HS6ST2: variants seen among roughly 807,000 people sequenced by gnomAD.
HS6ST2 encodes the protein heparan-sulfate 6-O-sulfotransferase 2.
A neutral mutation model predicts 33.0 loss-of-function variants in HS6ST2; 17 were observed. The observed-to-expected ratio is 0.52, with a 90% confidence interval of 0.35 to 0.77. The LOEUF is 0.77. HS6ST2 is among the 30% of genes least tolerant of loss of function. The probability of loss-of-function intolerance (pLI) is 0.01; values close to 1 mark genes in which losing one functional copy is unlikely to be tolerated. For synonymous variants in HS6ST2, 248 were observed against 237.1 expected, an observed-to-expected ratio of 1.05 and a Z score of -0.42; for missense variants, 519 against 551.7, an observed-to-expected ratio of 0.94 and a Z score of 0.59.
chrX:132,722,135 T>C (rs1285811111), intron 2 of HS6ST2, among the ~76,000 whole-genome samples: 2 of 88,956 alleles, frequency 2.2e-5, no homozygotes, highest in African/African-American at 9.1e-5. Flanking sequence ...TTGCAATGAG[T>C]GGAGATCGCG....
At chrX:132,642,242 C>T (rs1488662558) in intron 4 of HS6ST2, among the ~76,000 whole-genome samples, 1 of 111,680 alleles carries the variant, frequency 9.0e-6, no homozygotes, top group Non-Finnish European at 1.9e-5. Flanking sequence ...GGTACCCTAA[C>T]TGTGCTTTGG....
intron 2 of HS6ST2, among the ~76,000 whole-genome samples, chrX:132,807,745 G>C (rs2065299559): frequency 8.9e-6 from 1 of 112,197 alleles, no homozygotes; most frequent in Admixed American, 9.5e-5. Context: ...TGAAATGCAA[G>C]CACTGCGAAA....
At chrX:132,953,380 CTT>C (rs372884183) in intron 2 of HS6ST2, among the ~76,000 whole-genome samples, 1 of 109,960 alleles carries the variant, frequency 9.1e-6, no homozygotes, top group African/African-American at 3.4e-5. Flanking sequence ...CTCTCTCTCT[CTT>C]TGTCCTCTCC....
intron 2 of HS6ST2, among the ~76,000 whole-genome samples, chrX:132,738,990 T>C (rs1263205296): frequency 8.9e-6 from 1 of 111,978 alleles, no homozygotes; most frequent in African/African-American, 3.2e-5. Context: ...TCCTATCTTA[T>C]CCACCAGCTA....
chrX:132,676,351 C>A (rs1417588546), intron 3 of HS6ST2, among the ~76,000 whole-genome samples: 1 of 111,695 alleles, frequency 9.0e-6, no homozygotes, highest in Non-Finnish European at 1.9e-5. Context: ...ATGTTAACAG[C>A]TACATAACAA....
At chrX:132,829,199 T>TATATATATATATATACACAC (rs55664940) in intron 2 of HS6ST2, among the ~76,000 whole-genome samples, 8 of 73,292 alleles carry the variant, frequency 1.1e-4, no homozygotes, top group African/African-American at 4.2e-4. Context: ...TATATATATA[T>TATATATATATATATACACAC]ACATACTTAT....
intron 4 of HS6ST2, among the ~76,000 whole-genome samples, chrX:132,659,102 G>A (rs1416085027): frequency 9.0e-6 from 1 of 111,540 alleles, no homozygotes; most frequent in Admixed American, 9.5e-5. Flanking sequence ...ATCTTTCCAG[G>A]GATGCTAGGC....
intron 4 of HS6ST2, among the ~76,000 whole-genome samples, chrX:132,637,818 ATATATAATAT>A (rs2063562077): frequency 1.6e-5 from 1 of 63,658 alleles, no homozygotes; most frequent in African/African-American, 7.1e-5. Flanking sequence ...ATTATTTTAT[ATATATAATAT>A]TATATATAAT....
intron 2 of HS6ST2, among the ~76,000 whole-genome samples, chrX:132,789,874 T>G (rs1445393546): frequency 8.9e-6 from 1 of 112,022 alleles, no homozygotes; most frequent in Non-Finnish European, 1.9e-5. Flanking sequence ...ATTGCTACAA[T>G]CTCATGATCA....
intron 2 of HS6ST2, among the ~76,000 whole-genome samples, chrX:132,838,536 C>T (rs1176353498): frequency 9.0e-6 from 1 of 111,585 alleles, no homozygotes; most frequent in Non-Finnish European, 1.9e-5. Flanking sequence ...CTTGGCAACA[C>T]CGAATTTAGT....
At chrX:132,733,717 G>C (rs2064480308) in intron 2 of HS6ST2, among the ~76,000 whole-genome samples, 1 of 110,980 alleles carries the variant, frequency 9.0e-6, no homozygotes, top group South Asian at 3.9e-4. Context: ...GCATGGAAAG[G>C]TCTAGAAGAG....
intron 4 of HS6ST2, among the ~76,000 whole-genome samples, chrX:132,653,223 C>T (rs1174130880): frequency 9.0e-6 from 1 of 111,539 alleles, no homozygotes; most frequent in Non-Finnish European, 1.9e-5. Context: ...CAAAGCAGCT[C>T]TAGGTTTCAC....
intron 2 of HS6ST2, among the ~76,000 whole-genome samples, chrX:132,719,613 C>T (rs947401978): frequency 1.8e-5 from 2 of 112,021 alleles, no homozygotes; most frequent in African/African-American, 6.5e-5. Flanking sequence ...AGCCTATGTG[C>T]TTTTCACACT....
At chrX:132,664,866 T>C (rs2063798160) in intron 4 of HS6ST2, among the ~76,000 whole-genome samples, 1 of 112,125 alleles carries the variant, frequency 8.9e-6, no homozygotes, top group Admixed American at 9.4e-5. Context: ...CTGAATGTCA[T>C]ACGTAGATGT....
chrX:132,820,596 A>G (rs1328821317), intron 2 of HS6ST2, among the ~76,000 whole-genome samples: 1 of 112,031 alleles, frequency 8.9e-6, no homozygotes, highest in Non-Finnish European at 1.9e-5. Flanking sequence ...GGAATGGTGG[A>G]GCTATCCAGG....
intron 2 of HS6ST2, among the ~76,000 whole-genome samples, chrX:132,917,809 T>C (rs1287549631): frequency 9.0e-6 from 1 of 111,625 alleles, no homozygotes; most frequent in Non-Finnish European, 1.9e-5. Context: ...AGAGGGAATG[T>C]GTTTCCGCTT....
chrX:132,844,403 T>C (rs1017628460), intron 2 of HS6ST2, among the ~76,000 whole-genome samples: 1 of 111,619 alleles, frequency 9.0e-6, no homozygotes, highest in African/African-American at 3.3e-5. Context: ...AATAATAACA[T>C]TTCTGATCTT....
chrX:132,896,649 T>G (rs2066379255), intron 2 of HS6ST2, among the ~76,000 whole-genome samples: 1 of 111,594 alleles, frequency 9.0e-6, no homozygotes, highest in African/African-American at 3.3e-5. Context: ...GATGTGATTA[T>G]TACGTATTAC....
intron 3 of HS6ST2, among the ~76,000 whole-genome samples, chrX:132,701,923 T>C (rs1306402402): frequency 8.9e-6 from 1 of 112,466 alleles, no homozygotes; most frequent in Non-Finnish European, 1.9e-5. Flanking sequence ...AACTTTCAGA[T>C]ATTCACATTT....
Sources: allele counts gnomAD v4.1 joint callset (sites outside exome capture counted in the v4.1 genomes callset), GRCh38; gene constraint gnomAD v4.1.1; transcripts MANE v1.5; gene names NCBI Gene and HGNC (gene_info 2026-07-23, HGNC 2026-07-21).